Variants in USH2A observed in about 807,000 individuals in gnomAD.
The protein encoded by USH2A is Usher syndrome 2A (autosomal recessive, mild).
A neutral mutation model predicts 538.9 loss-of-function variants in USH2A; 443 were observed. That is an observed-to-expected ratio of 0.82 (90% CI 0.76 to 0.89). USH2A has a LOEUF of 0.89. Ranked by LOEUF, USH2A falls within the 40% of genes least tolerant of loss-of-function variation. The probability of loss-of-function intolerance (pLI) is 0.00; values close to 1 mark genes in which losing one functional copy is unlikely to be tolerated. For synonymous variants in USH2A, 2,413 were observed against 2,273.5 expected, an observed-to-expected ratio of 1.06 and a Z score of -1.75; for missense variants, 6,633 against 6,324.8, an observed-to-expected ratio of 1.05 and a Z score of -1.65.
chr1:216,225,321 C>T (rs1055116617), intron 14 of USH2A, among the ~76,000 whole-genome samples: 2 of 152,168 alleles, frequency 1.3e-5, no homozygotes, highest in African/African-American at 4.8e-5. Flanking sequence ...GAACAAAAGT[C>T]CAAACTCAAG....
chr1:216,409,949 T>G (rs1017636006), intron 3 of USH2A, among the ~76,000 whole-genome samples: 1 of 151,998 alleles, frequency 6.6e-6, no homozygotes, highest in African/African-American at 2.4e-5. Context: ...GAGAGAAAAG[T>G]TTTGCAAACT....
In USH2A at chr1:215,623,261, A is replaced by C. The variant is rs1419681665; in HGVS notation, c.*2520T>G. ...TACAATTGGTAAAATGTGAGTCAGGAGATTTAAATTTAAAGAGGTTCATCA... is the reference window on the plus strand; with the variant it reads ...TACAATTGGTAAAATGTGAGTCAGGCGATTTAAATTTAAAGAGGTTCATCA... On this transcript the variant is annotated 3_prime_UTR_variant, in exon 72 of 72. Coordinates refer to ENST00000307340, the MANE Select transcript of USH2A (RefSeq NM_206933.4). The C allele has an allele frequency of 6.6e-6, 1 of 152,126 alleles. No homozygotes were observed. Among genetic ancestry groups the C allele is most frequent in the Non-Finnish European group, 1.5e-5 (1 of 67,996 alleles). The allele number at this position is 152,126 out of a possible 1,614,324, so 9.4% of individuals were successfully genotyped here. A position where few individuals can be genotyped will look rare whatever the true frequency, so the allele number is the denominator to read the frequency against.
intron 13 of USH2A, among the ~76,000 whole-genome samples, chr1:216,236,835 C>T (rs1033365900): frequency 2.6e-5 from 4 of 152,100 alleles, no homozygotes; most frequent in African/African-American, 9.7e-5. Context: ...ATAATATGCT[C>T]ATGTAAGGGA....
chr1:215,949,119 T>C (rs575386198), intron 37 of USH2A, among the ~76,000 whole-genome samples: 5 of 152,054 alleles, frequency 3.3e-5, no homozygotes, highest in Admixed American at 6.6e-5. Flanking sequence ...TTTTAAAGTA[T>C]TGAATAAAAA....
chr1:215,853,346 G>A (rs998101340), intron 44 of USH2A, among the ~76,000 whole-genome samples: 2 of 152,138 alleles, frequency 1.3e-5, no homozygotes, highest in African/African-American at 4.8e-5. Flanking sequence ...GCTGCACACA[G>A]CATGGGAACC....
intron 21 of USH2A, among the ~76,000 whole-genome samples, chr1:216,120,986 T>G (rs1214357888): frequency 2.0e-5 from 3 of 152,222 alleles, no homozygotes; most frequent in Non-Finnish European, 4.4e-5. Context: ...CATGTCATAT[T>G]TGATAGTTTT....
At chr1:216,323,961 G>C (rs889665530) in intron 7 of USH2A, among the ~76,000 whole-genome samples, 28 of 152,064 alleles carry the variant, frequency 1.8e-4, no homozygotes, top group African/African-American at 6.3e-4. Flanking sequence ...TGAAACATCA[G>C]TGAGATTGAA....
chr1:215,793,866 T>A (rs566281006), intron 50 of USH2A, among the ~76,000 whole-genome samples: 21 of 152,324 alleles, frequency 1.4e-4, no homozygotes, highest in Admixed American at 1.2e-3. Context: ...CAGTTTCCCA[T>A]GGCTAATAGA....
intron 61 of USH2A, among the ~76,000 whole-genome samples, chr1:215,727,703 T>G (rs926916594): frequency 6.6e-6 from 1 of 151,380 alleles, no homozygotes; most frequent in African/African-American, 2.4e-5. Flanking sequence ...CCAGTTTGGG[T>G]GACAGAATGA....
chr1:216,150,109 CA>C (rs1478274604), intron 21 of USH2A, among the ~76,000 whole-genome samples: 2 of 152,044 alleles, frequency 1.3e-5, no homozygotes, highest in African/African-American at 4.8e-5. Context: ...GGCCGAGCCC[CA>C]AAAAACTAGT....
intron 8 of USH2A, among the ~76,000 whole-genome samples, chr1:216,322,191 C>T (rs967448350): frequency 2.6e-5 from 4 of 152,170 alleles, no homozygotes; most frequent in Admixed American, 6.5e-5. Context: ...TATCCAAACC[C>T]GTGTATTGTA....
intron 26 of USH2A, 43 bp from the exon 27 acceptor site, chr1:216,078,405 T>C (rs1273166870): frequency 2.5e-6 from 4 of 1,588,098 alleles, no homozygotes; most frequent in East Asian, 2.2e-5. Context: ...ATAAAAAGGC[T>C]GCAGAAGGGC....
chr1:216,415,508 C>CTTTTTT (rs71161423), intron 3 of USH2A, among the ~76,000 whole-genome samples: 19 of 96,902 alleles, frequency 2.0e-4, no homozygotes, highest in African/African-American at 6.2e-4. Context: ...CTTCCTGTCA[C>CTTTTTT]TTTTTTTTTT....
intron 55 of USH2A, among the ~76,000 whole-genome samples, chr1:215,773,455 C>G (rs750619472): frequency 6.6e-6 from 1 of 151,484 alleles, no homozygotes; most frequent in African/African-American, 2.4e-5. Context: ...CTTTGGTCCG[C>G]TGCCTCCCCA....
intron 38 of USH2A, among the ~76,000 whole-genome samples, chr1:215,927,748 T>C (rs1349228978): frequency 2.0e-5 from 3 of 151,990 alleles, no homozygotes; most frequent in South Asian, 2.1e-4. Context: ...AGCCTGCACA[T>C]GTACCCCTAA....
At chr1:215,822,085 C>T (rs934401167) in intron 47 of USH2A, among the ~76,000 whole-genome samples, 3 of 151,476 alleles carry the variant, frequency 2.0e-5, no homozygotes, top group African/African-American at 7.3e-5. Flanking sequence ...TTTTTTTACT[C>T]AGATTGCTTC....
At chr1:216,119,784 T>C (rs1489515839) in intron 21 of USH2A, among the ~76,000 whole-genome samples, 1 of 152,152 alleles carries the variant, frequency 6.6e-6, no homozygotes, top group African/African-American at 2.4e-5. Context: ...TACAAACCAT[T>C]AACAGTGCCA....
chr1:216,347,625 A>C (rs775423986), intron 4 of USH2A, among the ~76,000 whole-genome samples: 3 of 152,254 alleles, frequency 2.0e-5, no homozygotes, highest in Middle Eastern at 3.4e-3. Flanking sequence ...AAATTATGGG[A>C]AAGTCCTGTA....
intron 61 of USH2A, among the ~76,000 whole-genome samples, chr1:215,724,792 T>TA (rs1343848473): frequency 6.6e-6 from 1 of 152,088 alleles, no homozygotes; most frequent in Non-Finnish European, 1.5e-5. Flanking sequence ...TTCAACAACA[T>TA]AGTTAAGTTT....
Sources: gnomAD v4.1 joint callset for allele counts (sites outside exome capture counted in the v4.1 genomes callset) on GRCh38, gnomAD v4.1.1 for gene constraint, MANE v1.5 for transcripts, NCBI Gene and HGNC (gene_info 2026-07-23, HGNC 2026-07-21) for gene names.